The following ROBO2 variants were observed in gnomAD, a reference collection of about 807,000 sequenced individuals.
The protein encoded by ROBO2 is roundabout guidance receptor 2.
A neutral mutation model predicts 160.8 loss-of-function variants in ROBO2; 53 were observed. The ratio of observed to expected loss-of-function variants is 0.33; its 90% CI spans 0.26 to 0.41. The LOEUF (loss-of-function observed/expected upper bound fraction) is 0.41, where lower values mean the gene tolerates loss of function less well. ROBO2 is among the 10% of genes least tolerant of loss of function. The pLI is 1.00. For missense variants in ROBO2, 1,577 were observed against 1,722.4 expected (o/e 0.92, Z 1.49); for synonymous variants, 664 against 611.7 (o/e 1.09, Z -1.26).
chr3:77,373,867 CA>C (rs35983454), intron 2 of ROBO2, among the ~76,000 whole-genome samples: 8,157 of 112,340 alleles, frequency 0.073, 200 homozygotes, highest in Middle Eastern at 0.14. Flanking sequence ...CCAAAGCAGG[CA>C]AAAAAAAAAA....
intron 2 of ROBO2, among the ~76,000 whole-genome samples, chr3:77,223,072 T>G (rs2086026947): frequency 2.0e-5 from 3 of 152,276 alleles, no homozygotes; most frequent in Non-Finnish European, 4.4e-5. Context: ...GCCTTCACTT[T>G]CCGTTTTATT....
rs1167033452 is a variant in ROBO2, at chr3:77,290,035, A to G, written c.389-187379A>G. ...CTAAAGACATAAAGTAAAATTGACG[A>G]TTAAATGGGTAAGCTGAGGCTAGAT... On this transcript the variant is annotated intron_variant, in intron 2 of 25. Coordinates refer to ENST00000461745, the Ensembl canonical transcript of ROBO2. Among the ~76,000 whole-genome samples, 31 of 136,554 alleles carry G rather than the reference A, an allele frequency of 2.3e-4. 1 individual carries two copies. The highest frequency in any genetic ancestry group is 5.7e-4 in the African/African-American group (21 of 37,164). 89.6% of individuals were successfully genotyped at this position (136,554 alleles called of 152,430 possible). A position where few individuals can be genotyped will look rare whatever the true frequency, so the allele number is the denominator to read the frequency against.
At chr3:77,105,134 G>C (rs1346509588) in intron 2 of ROBO2, among the ~76,000 whole-genome samples, 3 of 152,142 alleles carry the variant, frequency 2.0e-5, no homozygotes, top group Non-Finnish European at 4.4e-5. Context: ...GTCAGGTTCA[G>C]ACTAAGAAAT....
intron 2 of ROBO2, among the ~76,000 whole-genome samples, chr3:76,670,189 C>G (rs1281694420): frequency 6.6e-6 from 1 of 152,082 alleles, no homozygotes; most frequent in Non-Finnish European, 1.5e-5. Flanking sequence ...CTTTATAAAA[C>G]TTGCATGCAA....
intron 2 of ROBO2, among the ~76,000 whole-genome samples, chr3:76,504,870 C>T (rs751257184): frequency 5.3e-5 from 8 of 152,036 alleles, no homozygotes; most frequent in South Asian, 2.1e-4. Context: ...CAGGTCTAGC[C>T]GCTAGCGTTA....
chr3:76,644,992 C>T (rs1253430469), intron 2 of ROBO2, among the ~76,000 whole-genome samples: 1 of 152,116 alleles, frequency 6.6e-6, no homozygotes. Flanking sequence ...ATTTTAAGGG[C>T]ACAATGCCAG....
intron 2 of ROBO2, among the ~76,000 whole-genome samples, chr3:77,291,653 A>T (rs2061281996): frequency 6.6e-6 from 1 of 152,012 alleles, no homozygotes; most frequent in Admixed American, 6.6e-5. Flanking sequence ...AGATCACCCC[A>T]GACATAAAGT....
intron 2 of ROBO2, among the ~76,000 whole-genome samples, chr3:76,777,070 G>T (rs1326989696): frequency 6.6e-6 from 1 of 151,012 alleles, no homozygotes; most frequent in East Asian, 2.0e-4. Context: ...AAGTTTGATT[G>T]TTTTAACTAC....
chr3:77,560,324 A>G (rs1410098264), intron 9 of ROBO2, among the ~76,000 whole-genome samples: 1 of 152,130 alleles, frequency 6.6e-6, no homozygotes, highest in Non-Finnish European at 1.5e-5. Flanking sequence ...ACAAGCATGG[A>G]AAAGATGAGA....
At chr3:76,069,732 C>T (rs532171253) in intron 2 of ROBO2, among the ~76,000 whole-genome samples, 48 of 152,088 alleles carry the variant, frequency 3.2e-4, no homozygotes, top group African/African-American at 9.4e-4. Flanking sequence ...ACAAAGAACA[C>T]GTTCAGACAC....
At chr3:76,745,098 T>G (rs547810271) in intron 2 of ROBO2, among the ~76,000 whole-genome samples, 2 of 152,306 alleles carry the variant, frequency 1.3e-5, no homozygotes, top group South Asian at 4.1e-4. Flanking sequence ...TGTCTTTCCT[T>G]AAGTATATTT....
At chr3:76,646,010 T>C (rs1032494061) in intron 2 of ROBO2, among the ~76,000 whole-genome samples, 4 of 152,056 alleles carry the variant, frequency 2.6e-5, no homozygotes, top group African/African-American at 7.2e-5. Flanking sequence ...AAAAGGTGAG[T>C]TGGGCTTGGG....
At chr3:76,241,649 A>G (rs938819464) in intron 2 of ROBO2, among the ~76,000 whole-genome samples, 2 of 152,220 alleles carry the variant, frequency 1.3e-5, no homozygotes, top group Admixed American at 6.5e-5. Context: ...TCTGCACAAA[A>G]TGCTCAAATA....
chr3:77,382,203 C>CGG (rs1168025717), intron 2 of ROBO2, among the ~76,000 whole-genome samples: 1 of 151,762 alleles, frequency 6.6e-6, no homozygotes, highest in Non-Finnish European at 1.5e-5. Flanking sequence ...AAGAGTGAAC[C>CGG]GGAAATGGAT....
intron 24 of ROBO2, among the ~76,000 whole-genome samples, chr3:77,641,535 G>C (rs2095351178): frequency 6.6e-6 from 1 of 152,010 alleles, no homozygotes; most frequent in Non-Finnish European, 1.5e-5. Context: ...TACAAAAATG[G>C]CATCAGAAAT....
At chr3:76,146,470 G>A (rs937409437) in intron 2 of ROBO2, among the ~76,000 whole-genome samples, 1 of 151,802 alleles carries the variant, frequency 6.6e-6, no homozygotes, top group Non-Finnish European at 1.5e-5. Context: ...TCTAGAGAGT[G>A]TCTCTGCTAC....
At chr3:76,038,032 C>T (rs1422186732) in intron 2 of ROBO2, among the ~76,000 whole-genome samples, 1 of 151,890 alleles carries the variant, frequency 6.6e-6, no homozygotes, top group East Asian at 1.9e-4. Flanking sequence ...TGGGAAGATA[C>T]CGGAAAGTTT....
intron 2 of ROBO2, among the ~76,000 whole-genome samples, chr3:77,098,721 G>A (rs1173696144): frequency 1.3e-5 from 2 of 151,976 alleles, no homozygotes; most frequent in East Asian, 3.9e-4. Context: ...TCCGGGCATG[G>A]TGGCGGCGCC....
In ROBO2 at chr3:76,592,597, C is replaced by A. The variant is rs145563219; in HGVS notation, c.110-505417C>A. Among the ~76,000 whole-genome samples, 406 of 152,180 alleles carry A rather than the reference C, an allele frequency of 2.7e-3. 1 individual carries two copies. Among genetic ancestry groups the A allele is most frequent in the Middle Eastern group, 0.01 (3 of 294 alleles). Reference sequence around the variant, plus strand: ...ACGTGTATTCCTCCAGCCATTCAAACCTTCCGTATTAGTTTCTTGTCACTG... The same window carrying A: ...ACGTGTATTCCTCCAGCCATTCAAAACTTCCGTATTAGTTTCTTGTCACTG... On this transcript the variant is annotated intron_variant, in intron 2 of 26. Transcript: ENST00000487694.
Sources: gnomAD v4.1 joint callset for allele counts (sites outside exome capture counted in the v4.1 genomes callset) on GRCh38, gnomAD v4.1.1 for gene constraint, MANE v1.5 for transcripts, NCBI Gene and HGNC (gene_info 2026-07-23, HGNC 2026-07-21) for gene names.